The following GMPR variants were observed in gnomAD, a reference collection of about 807,000 sequenced individuals.
The protein encoded by GMPR is guanosine monophosphate reductase.
Under a neutral mutation model 38.4 loss-of-function variants are expected in GMPR, and 31 were observed. That is an observed-to-expected ratio of 0.81 (90% confidence interval 0.61 to 1.09). The LOEUF (loss-of-function observed/expected upper bound fraction) is 1.09. GMPR is among the 50% of genes least tolerant of loss of function. The probability of loss-of-function intolerance (pLI) is 0.00; values close to 1 mark genes in which losing one functional copy is unlikely to be tolerated. For missense variants in GMPR, 468 were observed against 453.7 expected, an observed-to-expected ratio of 1.03 and a Z score of -0.29; for synonymous variants, 162 against 173.3, an observed-to-expected ratio of 0.93 and a Z score of 0.51.
chr6:16,252,150 T>C (rs1353986752), intron 3 of GMPR, among the ~76,000 whole-genome samples: 3 of 152,242 alleles, frequency 2.0e-5, no homozygotes, highest in Non-Finnish European at 4.4e-5. Flanking sequence ...TTTTGCCATA[T>C]TGTGTTCAAG....
intron 5 of GMPR, among the ~76,000 whole-genome samples, chr6:16,277,835 T>C (rs1282060554): frequency 1.3e-5 from 2 of 151,912 alleles, no homozygotes; most frequent in Non-Finnish European, 2.9e-5. Flanking sequence ...AGAGAGAACA[T>C]TGTGTACAGA....
intron 5 of GMPR, among the ~76,000 whole-genome samples, chr6:16,276,250 A>G (rs1351018765): frequency 6.6e-6 from 1 of 151,534 alleles, no homozygotes; most frequent in African/African-American, 2.4e-5. Flanking sequence ...GCTCACTGCA[A>G]CCTTCGCCTC....
rs747349583 is a variant in GMPR, at chr6:16,250,323, G to C, written c.247G>C (p.Asp83His). Residue 83 changes from aspartate to histidine, a missense_variant, in exon 3 of 9, where the codon GAT (aspartate) becomes CAT (histidine). Coordinates refer to ENST00000259727, the MANE Select transcript of GMPR (RefSeq NM_006877.4). Reference protein sequence around the residue: ...FTAIHKHYSLDDWKLFATNHP... With the variant: ...FTAIHKHYSLHDWKLFATNHP... ...AGCAATTCATAAGCATTACTCCCTG[G>C]ATGACTGGAAGCTCTTTGCCACAAA... The C allele has an allele frequency of 3.1e-6, 5 of 1,611,158 alleles. No homozygotes were observed. The Admixed American group carries it at 6.7e-5, about 21-fold the overall frequency.
At chr6:16,282,679 A>T (rs1409429833) in intron 6 of GMPR, among the ~76,000 whole-genome samples, 7 of 149,630 alleles carry the variant, frequency 4.7e-5, no homozygotes, top group African/African-American at 1.7e-4. Flanking sequence ...ACTGATTTGA[A>T]CTCCTTTCTC....
chr6:16,290,709 C>A, intron 8 of GMPR, 88 bp downstream of exon 8: 1 of 1,113,746 alleles, frequency 9.0e-7, no homozygotes, highest in South Asian at 1.3e-5. Context: ...AATAGCAGCT[C>A]TGTGTATATT....
chr6:16,268,072 C>T (rs1282098847), intron 4 of GMPR, among the ~76,000 whole-genome samples: 2 of 152,208 alleles, frequency 1.3e-5, no homozygotes, highest in Admixed American at 6.5e-5. Context: ...TCAAGTGTCC[C>T]TCCCCTGAGG....
At chr6:16,247,618 G>A (rs779721908) in intron 2 of GMPR, among the ~76,000 whole-genome samples, 2 of 152,106 alleles carry the variant, frequency 1.3e-5, no homozygotes, top group Admixed American at 6.5e-5. Context: ...CAGGTGATCC[G>A]CCTGCCTTGG....
intron 7 of GMPR, 194 bp from the exon 8 acceptor site, chr6:16,290,268 A>G (rs1266997918): frequency 1.5e-6 from 1 of 648,696 alleles, no homozygotes; most frequent in Non-Finnish European, 2.8e-6. Flanking sequence ...GCAGTGTCCC[A>G]TGGCCCTTTC....
At chr6:16,265,254 G>A (rs979845505) in intron 4 of GMPR, among the ~76,000 whole-genome samples, 1 of 152,216 alleles carries the variant, frequency 6.6e-6, no homozygotes, top group Admixed American at 6.5e-5. Flanking sequence ...TACCTGGCCA[G>A]AATTTCTTTT....
At chr6:16,251,208 G>GT (rs1345728639) in intron 3 of GMPR, among the ~76,000 whole-genome samples, 28 of 152,218 alleles carry the variant, frequency 1.8e-4, no homozygotes, top group Non-Finnish European at 3.7e-4. Context: ...TTGTTCAACC[G>GT]TAAGAAGGAG....
chr6:16,266,807 AAAAG>A (rs1186288988), intron 4 of GMPR, among the ~76,000 whole-genome samples: 1 of 149,380 alleles, frequency 6.7e-6, no homozygotes, highest in Non-Finnish European at 1.5e-5. Context: ...AACAAACAAA[AAAAG>A]AGCTGTAACA....
chr6:16,267,198 C>T (rs894179136), intron 4 of GMPR, among the ~76,000 whole-genome samples: 5 of 152,008 alleles, frequency 3.3e-5, no homozygotes, highest in Admixed American at 2.0e-4. Flanking sequence ...CCTATCTCTA[C>T]TAAAAGTACA....
chr6:16,266,877 G>A (rs1311582945), intron 4 of GMPR, among the ~76,000 whole-genome samples: 3 of 151,662 alleles, frequency 2.0e-5, no homozygotes, highest in East Asian at 2.0e-4. Flanking sequence ...CGAACCGTCC[G>A]GGAGGAACGA....
chr6:16,257,019 C>T (rs1430976714), intron 4 of GMPR, among the ~76,000 whole-genome samples: 1 of 152,190 alleles, frequency 6.6e-6, no homozygotes, highest in African/African-American at 2.4e-5. Flanking sequence ...CCTAACAAGG[C>T]GACTCTTAAT....
intron 2 of GMPR, among the ~76,000 whole-genome samples, chr6:16,247,921 A>T (rs985391484): frequency 6.6e-6 from 1 of 152,112 alleles, no homozygotes; most frequent in Admixed American, 6.5e-5. Context: ...AATTTTCTGT[A>T]AAGAGGGTAG....
intron 4 of GMPR, among the ~76,000 whole-genome samples, chr6:16,266,168 GAGCTGTAACACTTGCCA>G (rs1297709673): frequency 5.6e-5 from 3 of 53,098 alleles, no homozygotes; most frequent in South Asian, 8.7e-4. Flanking sequence ...CCATCTTTAA[GAGCTGTAACACTTGCCA>G]TCTTTAAGAG....
At chr6:16,278,702 C>T (rs1759521612) in intron 5 of GMPR, 82 bp from the exon 6 acceptor site, 1 of 974,906 alleles carries the variant, frequency 1.0e-6, no homozygotes. Flanking sequence ...AGCAGGGCTG[C>T]AAAGGTAAGG....
intron 3 of GMPR, 138 bp from the exon 4 acceptor site, chr6:16,254,424 G>A: frequency 1.5e-6 from 1 of 677,656 alleles, no homozygotes; most frequent in Non-Finnish European, 2.6e-6. Flanking sequence ...TGTGTCTTGA[G>A]CAGGTGCACT....
intron 4 of GMPR, among the ~76,000 whole-genome samples, chr6:16,266,383 G>A (rs1198841528): frequency 8.7e-6 from 1 of 114,684 alleles, no homozygotes; most frequent in African/African-American, 3.2e-5. Flanking sequence ...AAGGTGGCAC[G>A]TCGGACGTGC....
Sources: allele counts gnomAD v4.1 joint callset (sites outside exome capture counted in the v4.1 genomes callset), GRCh38; gene constraint gnomAD v4.1.1; transcripts MANE v1.5; gene names NCBI Gene and HGNC (gene_info 2026-07-23, HGNC 2026-07-21).